PTBP3: variants seen among roughly 807,000 people sequenced by gnomAD.
The protein encoded by PTBP3 is polypyrimidine tract-binding protein 3.
Under a neutral mutation model 58.7 loss-of-function variants are expected in PTBP3, and 20 were observed. The observed-to-expected ratio is 0.34, with a 90% CI of 0.24 to 0.50. PTBP3 has a LOEUF of 0.50. PTBP3 is among the 20% of genes least tolerant of loss of function. The probability of loss-of-function intolerance (pLI) is 0.98; values close to 1 mark genes in which losing one functional copy is unlikely to be tolerated. For missense variants in PTBP3, 509 were observed against 637.2 expected (o/e 0.80, Z 2.17); for synonymous variants, 185 against 219.8 (o/e 0.84, Z 1.40).
chr9:112,358,233 G>A, the PTBP3 span, among the ~76,000 whole-genome samples: 13 of 152,038 alleles, frequency 8.6e-5, no homozygotes, highest in Admixed American at 3.9e-4. Flanking sequence ...TTGCTTGAAC[G>A]TGGGAGGCAG....
intron 1 of PTBP3, among the ~76,000 whole-genome samples, chr9:112,315,952 T>G (rs142616422): frequency 1.3e-5 from 2 of 152,358 alleles, no homozygotes; most frequent in African/African-American, 4.8e-5. Flanking sequence ...AATTTTGAGA[T>G]AGTGCTAAAG....
the PTBP3 span, among the ~76,000 whole-genome samples, chr9:112,364,044 C>T: frequency 6.6e-5 from 10 of 152,134 alleles, no homozygotes; most frequent in African/African-American, 2.2e-4. Context: ...TTTTTACTGT[C>T]TCCATAGTTT....
At chr9:112,231,969 GAGAA>G (rs1450113023) in intron 9 of PTBP3, 126 bp downstream of exon 9, 231 of 343,316 alleles carry the variant, frequency 6.7e-4, no homozygotes, top group Middle Eastern at 3.7e-3. Flanking sequence ...GAAGAGAAGA[GAGAA>G]GAGAAGAGAA....
Position 112,221,759 on chromosome 9 carries a change from A to G in PTBP3, c.*2092T>C, listed in dbSNP as rs1276688629. 2 of 985,102 alleles carry G rather than the reference A, an allele frequency of 2.0e-6. No individual in the cohort carries two copies. Among genetic ancestry groups the G allele is most frequent in the Admixed American group, 6.2e-5 (1 of 16,256 alleles). The allele number at this position is 985,102 out of a possible 1,614,324, so 61.0% of individuals were successfully genotyped here. A position where few individuals can be genotyped will look rare whatever the true frequency, so the allele number is the denominator to read the frequency against. ...TCCCTCCTTTCTATTCTACCAACTA[A>G]GTGTTGCTCAGTGGTGAGTGAATTC... On this transcript the variant is annotated 3_prime_UTR_variant, in exon 14 of 14. Coordinates refer to ENST00000374257, the MANE Select transcript of PTBP3 (RefSeq NM_001163788.4).
At chr9:112,227,669 T>C (rs1835044284) in intron 11 of PTBP3, 42 bp from the exon 12 acceptor site, 2 of 1,421,742 alleles carry the variant, frequency 1.4e-6, no homozygotes, top group Non-Finnish European at 2.0e-6. Flanking sequence ...AGTATTAGGA[T>C]AGATTTCTCA....
upstream of PTBP3, among the ~76,000 whole-genome samples, chr9:112,335,201 C>T (rs1830547474): frequency 1.3e-5 from 2 of 152,168 alleles, no homozygotes; most frequent in Admixed American, 6.5e-5. Context: ...TCTTCCCAAA[C>T]CACCCCCTGC....
At chr9:112,227,767 T>C in intron 11 of PTBP3, 140 bp from the exon 12 acceptor site, 1 of 647,240 alleles carries the variant, frequency 1.5e-6, no homozygotes, top group Admixed American at 2.9e-5. Context: ...GGTTTCAAAA[T>C]CCAAAAACCC....
At chr9:112,234,526 A>T (rs906710106) in intron 8 of PTBP3, among the ~76,000 whole-genome samples, 5 of 152,246 alleles carry the variant, frequency 3.3e-5, no homozygotes, top group African/African-American at 1.2e-4. Context: ...TAACAACTGG[A>T]AAGGCAAATC....
chr9:112,262,726 G>T, intron 4 of PTBP3, 127 bp from the exon 5 acceptor site: 1 of 761,316 alleles, frequency 1.3e-6, no homozygotes, highest in Non-Finnish European at 1.8e-6. Flanking sequence ...TACTCCGTCT[G>T]GAGATACATA....
At chr9:112,231,513 T>TATAAAACCA in intron 9 of PTBP3, 100 bp from the exon 10 acceptor site, 4 of 899,060 alleles carry the variant, frequency 4.4e-6, no homozygotes, top group Non-Finnish European at 6.7e-6. Context: ...TTTTAAAGCA[T>TATAAAACCA]GGTTTTATAT....
chr9:112,227,348 T>C, intron 12 of PTBP3, 63 bp downstream of exon 12: 2 of 1,544,638 alleles, frequency 1.3e-6, no homozygotes, highest in African/African-American at 1.4e-5. Flanking sequence ...TTTTAACCTC[T>C]CCTACATCAC....
chr9:112,335,858 G>T (rs1830573415), upstream of PTBP3, among the ~76,000 whole-genome samples: 1 of 147,516 alleles, frequency 6.8e-6, no homozygotes, highest in African/African-American at 2.5e-5. Flanking sequence ...GTAAGCAGAG[G>T]TTGCAGTGAG....
chr9:112,264,475 C>T (rs577470900), intron 4 of PTBP3, among the ~76,000 whole-genome samples: 1 of 152,292 alleles, frequency 6.6e-6, no homozygotes, highest in African/African-American at 2.4e-5. Context: ...ATTCACCTGA[C>T]CTTCTGGCAA....
At chr9:112,237,282 C>T (rs1429747555) in intron 7 of PTBP3, among the ~76,000 whole-genome samples, 6 of 152,120 alleles carry the variant, frequency 3.9e-5, no homozygotes, top group Non-Finnish European at 8.8e-5. Context: ...CATCATATAG[C>T]AAAGTAACCT....
upstream of PTBP3, among the ~76,000 whole-genome samples, chr9:112,334,446 C>G (rs1434642892): frequency 5.3e-5 from 8 of 152,112 alleles, no homozygotes; most frequent in Middle Eastern, 3.2e-3. Context: ...TGCACCAGAG[C>G]CCTTCCCTCT....
At chr9:112,359,399 T>A in the PTBP3 span, among the ~76,000 whole-genome samples, 1 of 151,718 alleles carries the variant, frequency 6.6e-6, no homozygotes, top group South Asian at 2.1e-4. Context: ...TGAGCTGAGA[T>A]CGCGCCACTG....
the PTBP3 span, among the ~76,000 whole-genome samples, chr9:112,344,523 T>C: frequency 6.6e-6 from 1 of 152,176 alleles, no homozygotes; most frequent in Non-Finnish European, 1.5e-5. Context: ...AGCTGTCCAG[T>C]CTTTGACTTC....
the PTBP3 span, among the ~76,000 whole-genome samples, chr9:112,363,590 A>G: frequency 4.7e-5 from 7 of 148,014 alleles, no homozygotes. Context: ...TAGTCTTGGT[A>G]TGCTTGCTGA....
Position 112,243,017 on chromosome 9 carries a change from C to G in PTBP3, c.802+7912G>C, listed in dbSNP as rs1173479280. Among the ~76,000 whole-genome samples, 5 of 152,052 alleles carry G rather than the reference C, an allele frequency of 3.3e-5. No individual in the cohort carries two copies. In the East Asian group the frequency reaches 9.7e-4, roughly 29 times the overall value. ...AACTTTGTTGAAAATCAATTGACCA[C>G]ATCTGTGGATCTATTTCTAGCCTCT... On this transcript the variant is annotated intron_variant, in intron 7 of 13. Transcript: ENST00000374257.
Sources: allele counts gnomAD v4.1 joint callset (sites outside exome capture counted in the v4.1 genomes callset), GRCh38; gene constraint gnomAD v4.1.1; transcripts MANE v1.5; gene names NCBI Gene and HGNC (gene_info 2026-07-23, HGNC 2026-07-21).